RCOR1: variants seen among roughly 807,000 people sequenced by gnomAD.
RCOR1 encodes REST corepressor 1.
Under a neutral mutation model 64.0 loss-of-function variants are expected in RCOR1, and 12 were observed. That is an observed-to-expected ratio of 0.19 (90% CI 0.12 to 0.30). The LOEUF is 0.30. RCOR1 is among the 10% of genes least tolerant of loss of function. The pLI, the probability that RCOR1 is intolerant of heterozygous loss-of-function variation, is 1.00. For synonymous variants in RCOR1, 279 were observed against 227.2 expected, an observed-to-expected ratio of 1.23 and a Z score of -2.05; for missense variants, 502 against 621.2, an observed-to-expected ratio of 0.81 and a Z score of 2.04.
chr14:102,661,697 G>T (rs1392391019), intron 2 of RCOR1, among the ~76,000 whole-genome samples: 2 of 152,178 alleles, frequency 1.3e-5, no homozygotes, highest in Non-Finnish European at 2.9e-5. Context: ...GAGACAACCG[G>T]CTATAGCAAG....
At chr14:102,593,639 A>C (rs1384419470) in intron 2 of RCOR1, among the ~76,000 whole-genome samples, 2 of 152,152 alleles carry the variant, frequency 1.3e-5, no homozygotes, top group Non-Finnish European at 2.9e-5. Context: ...CCCTGCGTCC[A>C]GGTGAGCTGC....
At chr14:102,663,739 A>G (rs1229758556) in intron 2 of RCOR1, among the ~76,000 whole-genome samples, 1 of 152,328 alleles carries the variant, frequency 6.6e-6, no homozygotes, top group African/African-American at 2.4e-5. Context: ...CTGAGCCTAA[A>G]ACATTTCACT....
intron 2 of RCOR1, among the ~76,000 whole-genome samples, chr14:102,651,354 A>G (rs1425192585): frequency 6.6e-6 from 1 of 152,148 alleles, no homozygotes; most frequent in Non-Finnish European, 1.5e-5. Flanking sequence ...GGAGGTTGAG[A>G]TGAGCCTGAC....
At chr14:102,706,129 A>AAAC (rs1555467358) in intron 4 of RCOR1, among the ~76,000 whole-genome samples, 1 of 149,792 alleles carries the variant, frequency 6.7e-6, no homozygotes, top group African/African-American at 2.5e-5. Flanking sequence ...AAAAAAAAAA[A>AAAC]AAAAAAAAAA....
At chr14:102,630,507 A>G (rs928676081) in intron 2 of RCOR1, among the ~76,000 whole-genome samples, 1 of 152,218 alleles carries the variant, frequency 6.6e-6, no homozygotes, top group Admixed American at 6.5e-5. Flanking sequence ...CATGTACTCC[A>G]TTCAAAGCAA....
intron 2 of RCOR1, among the ~76,000 whole-genome samples, chr14:102,619,498 G>A (rs1202198905): frequency 1.1e-5 from 1 of 87,562 alleles, no homozygotes; most frequent in African/African-American, 5.0e-5. Context: ...TTTTTTTTTT[G>A]GAGTCAGGTT....
chr14:102,691,563 A>T lies in RCOR1; in HGVS notation c.445+9585A>T, dbSNP rs138431969. On this transcript the variant is annotated intron_variant, in intron 3 of 11. Coordinates refer to ENST00000262241, the MANE Select transcript of RCOR1 (RefSeq NM_015156.4). Reference sequence around the variant, plus strand: ...CTAGTTTTCAGCTTTTTAAAAATATATGGCTAGAAGAGGTTGAAACTTGTG... The same window carrying T: ...CTAGTTTTCAGCTTTTTAAAAATATTTGGCTAGAAGAGGTTGAAACTTGTG... Among the ~76,000 whole-genome samples the T allele has an allele frequency of 5.9e-5, 9 of 152,352 alleles. No individual in the cohort carries two copies. The East Asian group carries it at 1.7e-3, about 29-fold the overall frequency.
chr14:102,600,908 G>A (rs535213921), intron 2 of RCOR1, among the ~76,000 whole-genome samples: 2 of 150,918 alleles, frequency 1.3e-5, no homozygotes, highest in Admixed American at 6.6e-5. Context: ...GTATTTCGCT[G>A]GCTGGGCATG....
chr14:102,689,402 T>C (rs570098850), intron 3 of RCOR1, among the ~76,000 whole-genome samples: 3 of 152,142 alleles, frequency 2.0e-5, no homozygotes, highest in Admixed American at 1.3e-4. Context: ...TTGTTTATAG[T>C]CTGCTTTTTA....
intron 2 of RCOR1, among the ~76,000 whole-genome samples, chr14:102,668,641 G>C (rs1372717850): frequency 6.6e-6 from 1 of 151,996 alleles, no homozygotes; most frequent in Non-Finnish European, 1.5e-5. Context: ...TTTGCAGGGG[G>C]GCGGGGCGGT....
intron 2 of RCOR1, among the ~76,000 whole-genome samples, chr14:102,622,269 G>A (rs894666269): frequency 2.0e-5 from 3 of 152,114 alleles, no homozygotes; most frequent in Non-Finnish European, 4.4e-5. Context: ...TCAGCAGAAA[G>A]CAATGCTTAG....
At chr14:102,721,703 C>T (rs1438132309) in intron 10 of RCOR1, among the ~76,000 whole-genome samples, 1 of 152,110 alleles carries the variant, frequency 6.6e-6, no homozygotes, top group Non-Finnish European at 1.5e-5. Context: ...TTACTGTATT[C>T]CTTTGGGCTT....
intron 3 of RCOR1, among the ~76,000 whole-genome samples, chr14:102,684,904 C>T (rs1333206880): frequency 6.6e-6 from 1 of 152,088 alleles, no homozygotes; most frequent in Admixed American, 6.5e-5. Context: ...TTAACAATTA[C>T]TCTATTGAAA....
intron 3 of RCOR1, among the ~76,000 whole-genome samples, chr14:102,692,838 C>G (rs1425735568): frequency 6.6e-6 from 1 of 150,404 alleles, no homozygotes; most frequent in East Asian, 1.9e-4. Flanking sequence ...CAGTCTCAGC[C>G]CATTGCAACC....
chr14:102,701,861 G>T (rs769546152), intron 4 of RCOR1, among the ~76,000 whole-genome samples: 2 of 152,148 alleles, frequency 1.3e-5, no homozygotes, highest in Non-Finnish European at 2.9e-5. Flanking sequence ...TCAAGTAGCT[G>T]AGATTACAGG....
intron 2 of RCOR1, among the ~76,000 whole-genome samples, chr14:102,632,611 ATCCTT>A (rs201997281): frequency 0.059 from 6,375 of 107,766 alleles, 536 homozygotes; most frequent in East Asian, 0.1. Context: ...ACTGCATGCT[ATCCTT>A]TCCTTTCCTT....
At chr14:102,628,223 TC>T (rs1164922322) in intron 2 of RCOR1, among the ~76,000 whole-genome samples, 9 of 152,172 alleles carry the variant, frequency 5.9e-5, no homozygotes, top group African/African-American at 2.2e-4. Context: ...AGGAGGGCAG[TC>T]TGCTTTACTC....
At chr14:102,608,394 G>T (rs1406536666) in intron 2 of RCOR1, among the ~76,000 whole-genome samples, 1 of 152,042 alleles carries the variant, frequency 6.6e-6, no homozygotes, top group Non-Finnish European at 1.5e-5. Context: ...TACTTTCTGT[G>T]CTTCATTGCT....
At chr14:102,602,332 A>AT (rs899973937) in intron 2 of RCOR1, among the ~76,000 whole-genome samples, 3 of 148,058 alleles carry the variant, frequency 2.0e-5, no homozygotes, top group African/African-American at 5.0e-5. Flanking sequence ...TAGGTTATTA[A>AT]TTTTTTTTAA....
Sources: allele counts gnomAD v4.1 joint callset (sites outside exome capture counted in the v4.1 genomes callset), GRCh38; gene constraint gnomAD v4.1.1; transcripts MANE v1.5; gene names NCBI Gene and HGNC (gene_info 2026-07-23, HGNC 2026-07-21).